The following LUC7L2 variants were observed in gnomAD, a reference collection of about 807,000 sequenced individuals.
LUC7L2 encodes the protein LUC7 like 2, pre-mRNA splicing factor.
In LUC7L2, 25 loss-of-function variants were observed where a neutral mutation model predicts 52.8. The observed-to-expected ratio is 0.47, with a 90% CI of 0.34 to 0.66. LUC7L2 has a LOEUF of 0.66. Among genes scored for constraint, LUC7L2 ranks in the 30% least tolerant of loss-of-function variants. The pLI, the probability that LUC7L2 is intolerant of heterozygous loss-of-function variation, is 0.01. For missense variants in LUC7L2, 328 were observed against 497.8 expected (o/e 0.66, Z 3.25); for synonymous variants, 144 against 160.9 (o/e 0.89, Z 0.80).
intron 1 of LUC7L2, among the ~76,000 whole-genome samples, chr7:139,363,910 G>A (rs1322690291): frequency 1.3e-5 from 2 of 151,254 alleles, no homozygotes. Flanking sequence ...TTGATCCCAG[G>A]AAAGTCTGGG....
chr7:139,342,238 A>T (rs961272597), intron 1 of LUC7L2, among the ~76,000 whole-genome samples: 7 of 152,174 alleles, frequency 4.6e-5, no homozygotes, highest in Non-Finnish European at 1.5e-5. Flanking sequence ...ACAGTAAAGT[A>T]CTGAGGATAA....
At chr7:139,395,558 T>G (rs1046863292) in intron 2 of LUC7L2, among the ~76,000 whole-genome samples, 10 of 152,208 alleles carry the variant, frequency 6.6e-5, no homozygotes, top group African/African-American at 2.2e-4. Context: ...AAAGGATAAC[T>G]GGGGGCAGAA....
chr7:139,371,217 C>T (rs1800434681), intron 1 of LUC7L2, among the ~76,000 whole-genome samples: 6 of 152,184 alleles, frequency 3.9e-5, no homozygotes, highest in Admixed American at 3.9e-4. Context: ...CTAAGCTAAG[C>T]TCTAAGCTAA....
rs746523111 is a variant in LUC7L2 at position 139,402,289 on chromosome 7, G to T, written c.366+42G>T. The T allele has an allele frequency of 8.1e-6, 12 of 1,488,110 alleles. No homozygotes were observed. In the South Asian group the frequency reaches 1.5e-4, roughly 18 times the overall value. The allele number at this position is 1,488,110 out of a possible 1,614,324, so 92.2% of individuals were successfully genotyped here. On this transcript the variant is annotated intron_variant, in intron 4 of 9. Coordinates refer to ENST00000354926, the MANE Select transcript of LUC7L2 (RefSeq NM_016019.5). Reference sequence around the variant, plus strand: ...TTTCATTAGTACAAAGTATTATTTCGACTCCTTTTGTTTAAGTTTTTATTT... The same window carrying T: ...TTTCATTAGTACAAAGTATTATTTCTACTCCTTTTGTTTAAGTTTTTATTT...
chr7:139,383,558 CTG>C (rs1402412584), intron 2 of LUC7L2, among the ~76,000 whole-genome samples: 15 of 147,414 alleles, frequency 1.0e-4, no homozygotes, highest in South Asian at 4.3e-4. Context: ...ATTAGAGGTG[CTG>C]CACGCCACCA....
intron 1 of LUC7L2, chr7:139,341,490 C>T (rs544455569): frequency 2.5e-6 from 4 of 1,613,778 alleles, no homozygotes; most frequent in Non-Finnish European, 3.4e-6. Flanking sequence ...CGCGGCCTAT[C>T]GGTACCTTGT....
At chr7:139,341,368 C>T in intron 1 of LUC7L2, 2 of 1,597,858 alleles carry the variant, frequency 1.3e-6, no homozygotes, top group Non-Finnish European at 1.7e-6. Flanking sequence ...GCACCACGCT[C>T]GGAGAAGGAC....
intron 7 of LUC7L2, 150 bp from the exon 8 acceptor site, chr7:139,412,401 T>C (rs1795399412): frequency 1.2e-6 from 1 of 832,774 alleles, no homozygotes; most frequent in African/African-American, 1.8e-5. Flanking sequence ...GAGTTTGTGG[T>C]GTCTTTTGGA....
At chr7:139,364,982 T>A (rs73154140) in intron 1 of LUC7L2, among the ~76,000 whole-genome samples, 3,039 of 152,338 alleles carry the variant, frequency 0.02, 34 homozygotes, top group South Asian at 0.053. Context: ...AGACATTTTT[T>A]AAATAATAAC....
intron 1 of LUC7L2, among the ~76,000 whole-genome samples, chr7:139,372,372 C>A (rs990283130): frequency 1.3e-5 from 2 of 152,152 alleles, no homozygotes; most frequent in African/African-American, 4.8e-5. Flanking sequence ...TTTGCCAAAG[C>A]CAGATATGGT....
chr7:139,368,752 A>AAAAG (rs1214538803), intron 1 of LUC7L2, among the ~76,000 whole-genome samples: 1 of 150,496 alleles, frequency 6.6e-6, no homozygotes, highest in South Asian at 2.1e-4. Flanking sequence ...AAAAAAAAAA[A>AAAAG]GTAAAAAGTG....
At chr7:139,385,031 G>A (rs1794132152) in intron 2 of LUC7L2, among the ~76,000 whole-genome samples, 1 of 152,186 alleles carries the variant, frequency 6.6e-6, no homozygotes, top group Non-Finnish European at 1.5e-5. Flanking sequence ...CATAAACCAT[G>A]TATAGTAATA....
chr7:139,374,624 T>G (rs1800615930), intron 1 of LUC7L2: 15 of 1,459,928 alleles, frequency 1.0e-5, no homozygotes, highest in Non-Finnish European at 1.4e-5. Flanking sequence ...AATAACCTAC[T>G]AGAGACGAGC....
intron 2 of LUC7L2, among the ~76,000 whole-genome samples, chr7:139,380,854 T>G (rs1034170656): frequency 1.4e-4 from 22 of 152,336 alleles, no homozygotes; most frequent in Admixed American, 3.3e-4. Context: ...TAAAAAATAT[T>G]TCCATCTAGT....
upstream of LUC7L2, among the ~76,000 whole-genome samples, chr7:139,354,920 G>C (rs1183678559): frequency 6.6e-6 from 1 of 151,846 alleles, no homozygotes; most frequent in Non-Finnish European, 1.5e-5. Context: ...GCAGTAGTAA[G>C]GTCATGGCTG....
intron 2 of LUC7L2, among the ~76,000 whole-genome samples, chr7:139,395,618 A>G (rs903868575): frequency 3.3e-5 from 5 of 152,182 alleles, no homozygotes; most frequent in Non-Finnish European, 7.3e-5. Context: ...TGAAGGTAAT[A>G]TAGTTTTACA....
chr7:139,358,829 C>T (rs1169919337), upstream of LUC7L2, among the ~76,000 whole-genome samples: 1 of 152,032 alleles, frequency 6.6e-6, no homozygotes, highest in African/African-American at 2.4e-5. Flanking sequence ...GGGAGGCGCC[C>T]GCCATCACGC....
chr7:139,359,663 G>C, upstream of LUC7L2: 1 of 397,790 alleles, frequency 2.5e-6, no homozygotes, highest in Non-Finnish European at 4.4e-6. Context: ...CCCTACAGCC[G>C]GGAGGGAATG....
At chr7:139,345,516 T>C (rs755639282) in intron 1 of LUC7L2, 7 of 1,614,200 alleles carry the variant, frequency 4.3e-6, no homozygotes, top group South Asian at 1.1e-5. Flanking sequence ...CAGTGAAAAG[T>C]TGTGCAGAGC....
Sources: gnomAD v4.1 joint callset for allele counts (sites outside exome capture counted in the v4.1 genomes callset) on GRCh38, gnomAD v4.1.1 for gene constraint, MANE v1.5 for transcripts, NCBI Gene and HGNC (gene_info 2026-07-23, HGNC 2026-07-21) for gene names.